Variants in ARMC3 observed in about 807,000 individuals in gnomAD.
ARMC3 encodes the protein armadillo repeat-containing protein 3.
A neutral mutation model predicts 90.3 loss-of-function variants in ARMC3; 74 were observed. That is an observed-to-expected ratio of 0.82 (90% CI 0.68 to 0.99). ARMC3 has a LOEUF of 0.99. Among genes scored for constraint, ARMC3 ranks in the 50% least tolerant of loss-of-function variants. The pLI, the probability that ARMC3 is intolerant of heterozygous loss-of-function variation, is 0.00. For synonymous variants in ARMC3, 334 were observed against 361.8 expected (o/e 0.92, Z 0.87); for missense variants, 958 against 1,042.8 (o/e 0.92, Z 1.12).
chr10:22,963,485 C>A (rs1432578629), intron 7 of ARMC3, among the ~76,000 whole-genome samples: 2 of 152,042 alleles, frequency 1.3e-5, no homozygotes, highest in African/African-American at 2.4e-5. Context: ...ACATCCTCAC[C>A]TAAGAGTAGG....
intron 2 of ARMC3, among the ~76,000 whole-genome samples, chr10:22,933,750 TGGCA>T (rs1366681891): frequency 6.6e-6 from 1 of 152,000 alleles, no homozygotes; most frequent in East Asian, 1.9e-4. Flanking sequence ...CCGGGGGTGG[TGGCA>T]GGCGCTGGTA....
intron 10 of ARMC3, 101 bp from the exon 11 acceptor site, chr10:22,998,047 C>T: frequency 5.3e-6 from 7 of 1,318,606 alleles, no homozygotes; most frequent in South Asian, 4.5e-5. Flanking sequence ...TTTCTAAAAT[C>T]GTATTTCTGT....
intron 16 of ARMC3, among the ~76,000 whole-genome samples, chr10:23,010,262 T>TC (rs1290339777): frequency 5.0e-5 from 7 of 140,932 alleles, no homozygotes; most frequent in Non-Finnish European, 7.7e-5. Flanking sequence ...GTTCTTCTCT[T>TC]CCTTTCCCTT....
intron 10 of ARMC3, among the ~76,000 whole-genome samples, chr10:22,993,682 C>T (rs1003701339): frequency 2.0e-5 from 3 of 152,096 alleles, no homozygotes; most frequent in Non-Finnish European, 2.9e-5. Context: ...CATAGCACAG[C>T]AGAGGGAGTG....
At chr10:23,004,944 T>A (rs369415653) in intron 13 of ARMC3, among the ~76,000 whole-genome samples, 2 of 151,908 alleles carry the variant, frequency 1.3e-5, no homozygotes, top group African/African-American at 2.4e-5. Flanking sequence ...GGGCCGGGCG[T>A]GGTGGCTCAC....
chr10:22,963,916 CACACACAAAAAAAAAAAAAA>C (rs1429339464), intron 7 of ARMC3, among the ~76,000 whole-genome samples: 9 of 33,720 alleles, frequency 2.7e-4, no homozygotes, highest in African/African-American at 9.0e-4. Flanking sequence ...CACACACACA[CACACACAAAAAAAAAAAAAA>C]AAAAAAAAAA....
At chr10:23,034,329 C>T (rs2131577053) in intron 18 of ARMC3, among the ~76,000 whole-genome samples, 1 of 152,322 alleles carries the variant, frequency 6.6e-6, no homozygotes, top group South Asian at 2.1e-4. Context: ...GCTACAATTA[C>T]TACCTTAAAT....
chr10:23,000,425 T>G (rs1205376647), intron 11 of ARMC3, among the ~76,000 whole-genome samples: 1 of 152,196 alleles, frequency 6.6e-6, no homozygotes, highest in East Asian at 1.9e-4. Flanking sequence ...GCACCCCTTG[T>G]CTTCCTTTTT....
chr10:22,973,967 C>A (rs954807925), intron 8 of ARMC3, among the ~76,000 whole-genome samples: 2 of 151,824 alleles, frequency 1.3e-5, no homozygotes, highest in African/African-American at 4.8e-5. Context: ...ACCATGTTAG[C>A]CAGGATGGTC....
intron 9 of ARMC3, 43 bp downstream of exon 9, chr10:22,981,535 C>T: frequency 6.2e-7 from 1 of 1,613,108 alleles, no homozygotes; most frequent in Non-Finnish European, 8.5e-7. Flanking sequence ...TTTTAGGTTA[C>T]CGTATTTTAG....
At chr10:22,975,422 AG>A (rs1835878222) in intron 8 of ARMC3, among the ~76,000 whole-genome samples, 1 of 152,114 alleles carries the variant, frequency 6.6e-6, no homozygotes, top group African/African-American at 2.4e-5. Flanking sequence ...AAAATTAGCC[AG>A]GTGTAGTGAT....
intron 2 of ARMC3, among the ~76,000 whole-genome samples, chr10:22,932,759 T>C (rs988628463): frequency 2.0e-5 from 3 of 152,214 alleles, no homozygotes; most frequent in Admixed American, 6.5e-5. Context: ...CACAGCAATT[T>C]CAAATTTGAA....
At chr10:22,964,935 C>T (rs555280237) in intron 7 of ARMC3, among the ~76,000 whole-genome samples, 26 of 152,218 alleles carry the variant, frequency 1.7e-4, no homozygotes, top group African/African-American at 6.0e-4. Flanking sequence ...CAATGTATCT[C>T]TACTTTTCCT....
chr10:22,936,865 C>T (rs764735800), intron 2 of ARMC3, among the ~76,000 whole-genome samples: 14 of 152,162 alleles, frequency 9.2e-5, no homozygotes, highest in Non-Finnish European at 1.8e-4. Context: ...GCAACTCTTA[C>T]AGTCTCAAGC....
In ARMC3 at chr10:22,949,522, T is replaced by G. The variant is rs117265026; in HGVS notation, c.166+3261T>G. ...AGTTTGGACATTGCAGAAGAAAAGATTAATGAACTTAAATACATAGTAACA... is the reference window on the plus strand; with the variant it reads ...AGTTTGGACATTGCAGAAGAAAAGAGTAATGAACTTAAATACATAGTAACA... On this transcript the variant is annotated intron_variant, in intron 3 of 18. Coordinates refer to ENST00000298032, the MANE Select transcript of ARMC3 (RefSeq NM_173081.5). Among the ~76,000 whole-genome samples, 80 of 152,246 alleles carry G rather than the reference T, an allele frequency of 5.3e-4. No individual in the cohort carries two copies. In the East Asian group the frequency reaches 0.013, roughly 25 times the overall value.
intron 4 of ARMC3, 146 bp from the exon 5 acceptor site, chr10:22,958,924 T>C: frequency 1.7e-6 from 1 of 591,552 alleles, no homozygotes; most frequent in Non-Finnish European, 2.9e-6. Flanking sequence ...GGTTTCACCA[T>C]GTTGGCTAGG....
chr10:22,957,789 A>G (rs1835010241), intron 4 of ARMC3, among the ~76,000 whole-genome samples: 1 of 152,240 alleles, frequency 6.6e-6, no homozygotes, highest in Non-Finnish European at 1.5e-5. Context: ...CTATGTTAGT[A>G]TCATAATGAA....
intron 7 of ARMC3, 130 bp downstream of exon 7, chr10:22,962,208 T>C (rs1325424406): frequency 1.6e-6 from 1 of 634,746 alleles, no homozygotes; most frequent in East Asian, 3.3e-5. Flanking sequence ...ACATAAAGTT[T>C]ATTGGCCTGC....
intron 2 of ARMC3, among the ~76,000 whole-genome samples, chr10:22,935,011 T>C (rs1348201330): frequency 6.6e-6 from 1 of 152,158 alleles, no homozygotes; most frequent in Non-Finnish European, 1.5e-5. Flanking sequence ...ATTGTAGTCT[T>C]TTAATATTTC....
Sources: gnomAD v4.1 joint callset for allele counts (sites outside exome capture counted in the v4.1 genomes callset) on GRCh38, gnomAD v4.1.1 for gene constraint, MANE v1.5 for transcripts, NCBI Gene and HGNC (gene_info 2026-07-23, HGNC 2026-07-21) for gene names.